Variants in MAD1L1 observed in about 807,000 individuals in gnomAD.
MAD1L1 encodes mitotic spindle assembly checkpoint protein MAD1.
A neutral mutation model predicts 96.9 loss-of-function variants in MAD1L1; 95 were observed. The observed-to-expected ratio is 0.98, with a 90% CI of 0.83 to 1.16. The LOEUF is 1.16. Among genes scored for constraint, MAD1L1 ranks in the 50% most tolerant of loss-of-function variants. The pLI, the probability that MAD1L1 is intolerant of heterozygous loss-of-function variation, is 0.00. For missense variants in MAD1L1, 1,007 were observed against 954.4 expected, an observed-to-expected ratio of 1.06 and a Z score of -0.73; for synonymous variants, 473 against 396.6, an observed-to-expected ratio of 1.19 and a Z score of -2.29.
In MAD1L1 at chr7:2,146,056, T is replaced by C. The variant is rs886953305; in HGVS notation, c.1073+3096A>G. Among the ~76,000 whole-genome samples, 3 of 152,190 alleles carry C rather than the reference T, an allele frequency of 2.0e-5. No individual in the cohort carries two copies. Among genetic ancestry groups the C allele is most frequent in the Non-Finnish European group, 4.4e-5 (3 of 68,034 alleles). On this transcript the variant is annotated intron_variant, in intron 11 of 18. Transcript: ENST00000265854. The surrounding 1 kb of genome is among the most constrained non-coding windows in gnomAD (Gnocchi z 6.2). ...GGAAGTGCATCAAGACTGCGTGGTG[T>C]AGGCTGCTCACAGCGGCACACTACG...
At chr7:2,056,706 C>G (rs1302652756) in intron 12 of MAD1L1, among the ~76,000 whole-genome samples, 1 of 152,220 alleles carries the variant, frequency 6.6e-6, no homozygotes, top group Non-Finnish European at 1.5e-5. Flanking sequence ...CTACTCAACA[C>G]TAGAACCAGG....
intron 5 of MAD1L1, among the ~76,000 whole-genome samples, chr7:2,220,402 C>A (rs1279431119): frequency 6.6e-6 from 1 of 152,228 alleles, no homozygotes; most frequent in East Asian, 1.9e-4. Context: ...TGGAAAAGCT[C>A]AGAAAACCCC....
At chr7:2,195,334 T>C (rs552674710) in intron 10 of MAD1L1, among the ~76,000 whole-genome samples, 7 of 152,372 alleles carry the variant, frequency 4.6e-5, no homozygotes, top group Admixed American at 1.3e-4. Context: ...AGGAACCTAG[T>C]TGATACCTGC....
At chr7:2,166,625 G>T (rs540378284) in intron 10 of MAD1L1, among the ~76,000 whole-genome samples, 2 of 151,662 alleles carry the variant, frequency 1.3e-5, no homozygotes, top group South Asian at 4.2e-4. Context: ...TCGGCAAGAA[G>T]CTCAGAACAG....
chr7:2,035,152 G>A (rs1783408021), intron 12 of MAD1L1, among the ~76,000 whole-genome samples: 1 of 152,256 alleles, frequency 6.6e-6, no homozygotes, highest in Admixed American at 6.5e-5. Flanking sequence ...CAGCCCAGAG[G>A]GGCCACATGA....
chr7:1,912,015 A>G (rs1163003610), intron 17 of MAD1L1, among the ~76,000 whole-genome samples: 1 of 152,204 alleles, frequency 6.6e-6, no homozygotes, highest in Non-Finnish European at 1.5e-5. Context: ...CCCCTCAGAC[A>G]CTTGTCGGGG....
At chr7:2,123,725 T>C (rs889710860) in intron 11 of MAD1L1, among the ~76,000 whole-genome samples, 17 of 152,214 alleles carry the variant, frequency 1.1e-4, no homozygotes, top group African/African-American at 3.9e-4. Context: ...CAGGCGGCGC[T>C]GAATCGATAG....
At chr7:1,964,509 G>C (rs1325818543) in intron 15 of MAD1L1, among the ~76,000 whole-genome samples, 1 of 152,216 alleles carries the variant, frequency 6.6e-6, no homozygotes, top group Admixed American at 6.5e-5. Flanking sequence ...GCGAGAAAGA[G>C]AACAAACGAA....
At chr7:2,175,993 G>A (rs150472271) in intron 10 of MAD1L1, among the ~76,000 whole-genome samples, 1 of 152,168 alleles carries the variant, frequency 6.6e-6, no homozygotes, top group East Asian at 1.9e-4. Context: ...AATCAGGCAG[G>A]AAAAAAGGAC....
intron 13 of MAD1L1, among the ~76,000 whole-genome samples, chr7:2,005,935 G>A (rs1479956930): frequency 1.3e-5 from 2 of 152,230 alleles, no homozygotes; most frequent in African/African-American, 4.8e-5. Flanking sequence ...AGGGTTCTCA[G>A]CAGAGCAGCC....
chr7:1,816,302 A>G (rs1781802151), intron 18 of MAD1L1, 74 bp from the exon 19 acceptor site: 18 of 1,452,978 alleles, frequency 1.2e-5, no homozygotes, highest in Non-Finnish European at 1.4e-5. Flanking sequence ...CCCTCCCTAC[A>G]CAGCCCCTCC....
At chr7:1,869,856 G>T (rs1370786869) in intron 18 of MAD1L1, among the ~76,000 whole-genome samples, 1 of 152,184 alleles carries the variant, frequency 6.6e-6, no homozygotes, top group African/African-American at 2.4e-5. Flanking sequence ...GGGCAGGCAG[G>T]TTCAGGTCCA....
chr7:1,916,235 T>C (rs566633534), intron 17 of MAD1L1, among the ~76,000 whole-genome samples: 3 of 152,170 alleles, frequency 2.0e-5, no homozygotes, highest in East Asian at 3.9e-4. Context: ...GCTCCTCTCC[T>C]CCCTAGAATG....
intron 12 of MAD1L1, among the ~76,000 whole-genome samples, chr7:2,045,126 A>C (rs1054966966): frequency 3.9e-5 from 6 of 152,172 alleles, no homozygotes; most frequent in Non-Finnish European, 4.4e-5. Flanking sequence ...ACCAGGGGCC[A>C]GAAAGGACAT....
chr7:1,887,300 T>C (rs1786106188), intron 18 of MAD1L1, among the ~76,000 whole-genome samples: 1 of 151,916 alleles, frequency 6.6e-6, no homozygotes. Flanking sequence ...TGCCTGTGTG[T>C]GGGCATGTGT....
chr7:2,220,320 C>T (rs1191369408), intron 5 of MAD1L1, among the ~76,000 whole-genome samples: 2 of 152,190 alleles, frequency 1.3e-5, no homozygotes, highest in East Asian at 1.9e-4. Context: ...TCATGGAACC[C>T]GCACGCGACA....
intron 11 of MAD1L1, among the ~76,000 whole-genome samples, chr7:2,115,433 C>G (rs147453828): frequency 0.028 from 3,933 of 141,778 alleles, 91 homozygotes; most frequent in South Asian, 0.064. Flanking sequence ...AGAGGAGGTG[C>G]TGGACAGGGT....
intron 5 of MAD1L1, among the ~76,000 whole-genome samples, chr7:2,221,666 G>C (rs1793616947): frequency 6.6e-6 from 1 of 152,210 alleles, no homozygotes; most frequent in Non-Finnish European, 1.5e-5. Context: ...CACCAGGACT[G>C]CAGTTCACAC....
intron 18 of MAD1L1, among the ~76,000 whole-genome samples, chr7:1,817,761 C>T (rs1423390199): frequency 1.3e-5 from 2 of 152,098 alleles, no homozygotes; most frequent in African/African-American, 4.8e-5. Flanking sequence ...TCCCTCCGCC[C>T]GGCAGCCCTC....
Sources: gnomAD v4.1 joint callset for allele counts (sites outside exome capture counted in the v4.1 genomes callset) on GRCh38, gnomAD v4.1.1 for gene constraint, Gnocchi (gnomAD v3.1) non-coding constraint, MANE v1.5 for transcripts, NCBI Gene and HGNC (gene_info 2026-07-23, HGNC 2026-07-21) for gene names.